CEP112: variants seen among roughly 807,000 people sequenced by gnomAD.
CEP112 encodes centrosomal protein 112.
A neutral mutation model predicts 153.0 loss-of-function variants in CEP112; 127 were observed. The observed-to-expected ratio is 0.83, with a 90% CI of 0.72 to 0.96. The LOEUF (loss-of-function observed/expected upper bound fraction) is 0.96, where lower values mean the gene tolerates loss of function less well. CEP112 is among the 40% of genes least tolerant of loss of function. The pLI is 0.00. For synonymous variants in CEP112, 358 were observed against 374.4 expected (o/e 0.96, Z 0.51); for missense variants, 1,089 against 1,101.2 (o/e 0.99, Z 0.16).
intron 16 of CEP112, among the ~76,000 whole-genome samples, chr17:66,012,318 T>G (rs1596321): frequency 0.41 from 62,506 of 152,104 alleles, 14,313 homozygotes; most frequent in East Asian, 0.87. Context: ...GTTGCTTTAT[T>G]GTGTCATTGG....
chr17:65,921,732 C>T (rs1283031703), intron 19 of CEP112, among the ~76,000 whole-genome samples: 1 of 152,034 alleles, frequency 6.6e-6, no homozygotes, highest in Non-Finnish European at 1.5e-5. Context: ...TGGTGTATGG[C>T]TTCCATTAAT....
chr17:65,808,149 G>A (rs2055723700), intron 21 of CEP112, among the ~76,000 whole-genome samples: 1 of 152,238 alleles, frequency 6.6e-6, no homozygotes, highest in African/African-American at 2.4e-5. Context: ...TTATTTTGGA[G>A]CTTTAAGATT....
chr17:66,116,467 T>G (rs2069299045), intron 6 of CEP112, among the ~76,000 whole-genome samples: 1 of 152,216 alleles, frequency 6.6e-6, no homozygotes, highest in African/African-American at 2.4e-5. Context: ...GGATCTTTGA[T>G]CCTCAATATC....
chr17:65,744,492 G>A (rs1350324525), intron 22 of CEP112, among the ~76,000 whole-genome samples: 10 of 151,672 alleles, frequency 6.6e-5, no homozygotes, highest in South Asian at 6.3e-4. Context: ...TGATCTGCCC[G>A]CCTTGGCCTC....
At chr17:65,725,853 T>TC (rs1206234546) in intron 23 of CEP112, among the ~76,000 whole-genome samples, 2 of 151,928 alleles carry the variant, frequency 1.3e-5, no homozygotes, top group African/African-American at 2.4e-5. Context: ...TCCCACTAGG[T>TC]CCCTCCCACT....
chr17:66,146,897 T>G (rs1004255006), intron 4 of CEP112, among the ~76,000 whole-genome samples: 1 of 152,162 alleles, frequency 6.6e-6, no homozygotes, highest in Non-Finnish European at 1.5e-5. Context: ...ATTTTGCTAA[T>G]CTATTCATCT....
intron 19 of CEP112, among the ~76,000 whole-genome samples, chr17:65,914,923 T>G (rs2060419594): frequency 1.3e-5 from 2 of 152,186 alleles, no homozygotes; most frequent in Non-Finnish European, 1.5e-5. Context: ...AAACCAGTCT[T>G]GTTGAGGTGG....
intron 6 of CEP112, among the ~76,000 whole-genome samples, chr17:66,115,762 T>C (rs2069261013): frequency 6.6e-6 from 1 of 152,242 alleles, no homozygotes; most frequent in Non-Finnish European, 1.5e-5. Context: ...AATCTGAGAT[T>C]GATCTCCCAT....
intron 9 of CEP112, 49 bp downstream of exon 9, chr17:66,069,866 G>T (rs368679468): frequency 2.5e-5 from 26 of 1,045,972 alleles, no homozygotes; most frequent in Non-Finnish European, 3.6e-5. Flanking sequence ...ATAAAACCTA[G>T]AATATTTTTA....
chr17:65,939,830 A>G (rs1599085873), intron 18 of CEP112, among the ~76,000 whole-genome samples: 1 of 152,228 alleles, frequency 6.6e-6, no homozygotes, highest in Non-Finnish European at 1.5e-5. Context: ...CAGTCTTAGC[A>G]AAGATTTCTT....
At chr17:65,692,297 C>T (rs1447463082) in intron 23 of CEP112, among the ~76,000 whole-genome samples, 4 of 147,708 alleles carry the variant, frequency 2.7e-5, no homozygotes, top group Non-Finnish European at 3.0e-5. Context: ...GGCACAATCT[C>T]GACTCATTGC....
intron 17 of CEP112, among the ~76,000 whole-genome samples, chr17:66,002,955 G>T (rs1355534204): frequency 6.7e-6 from 1 of 150,028 alleles, no homozygotes; most frequent in African/African-American, 2.5e-5. Flanking sequence ...CAGCAAAATG[G>T]AACTGTCTCT....
At chr17:66,009,351 T>C (rs955275771) in intron 16 of CEP112, among the ~76,000 whole-genome samples, 6 of 152,184 alleles carry the variant, frequency 3.9e-5, no homozygotes, top group African/African-American at 1.2e-4. Context: ...ATATCTTCTT[T>C]GGAAAAGTGT....
intron 2 of CEP112, among the ~76,000 whole-genome samples, chr17:66,178,872 C>T (rs2072599795): frequency 6.6e-6 from 1 of 152,196 alleles, no homozygotes; most frequent in South Asian, 2.1e-4. Context: ...AATGAAATAT[C>T]AGGATTACTT....
chr17:66,132,517 C>T (rs147468611), intron 5 of CEP112, among the ~76,000 whole-genome samples, 153 bp downstream of exon 5: 125 of 152,294 alleles, frequency 8.2e-4, no homozygotes, highest in Non-Finnish European at 1.4e-3. Context: ...ACCAAACACC[C>T]CACCTTCTTT....
intron 6 of CEP112, among the ~76,000 whole-genome samples, chr17:66,105,470 T>C (rs759256026): frequency 1.3e-5 from 2 of 151,952 alleles, no homozygotes; most frequent in Non-Finnish European, 2.9e-5. Flanking sequence ...AACTAAACTC[T>C]CCAATCAAAA....
intron 11 of CEP112, among the ~76,000 whole-genome samples, chr17:66,061,569 T>TACAC (rs35156012): frequency 0.064 from 9,307 of 146,112 alleles, 359 homozygotes; most frequent in African/African-American, 0.11. Context: ...ATGTGATAGA[T>TACAC]ACACACACAC....
At chr17:66,001,012 A>C (rs968840100) in intron 17 of CEP112, among the ~76,000 whole-genome samples, 8 of 152,190 alleles carry the variant, frequency 5.3e-5, no homozygotes, top group Non-Finnish European at 1.0e-4. Context: ...TGTCCTTCCC[A>C]CATAAGGCAT....
chr17:66,187,685 T>C (rs2072990922), intron 1 of CEP112, among the ~76,000 whole-genome samples: 2 of 152,224 alleles, frequency 1.3e-5, no homozygotes, highest in African/African-American at 4.8e-5. Context: ...GCATAGTGAT[T>C]GTATTCAGTA....
Sources: allele counts gnomAD v4.1 joint callset (sites outside exome capture counted in the v4.1 genomes callset), GRCh38; gene constraint gnomAD v4.1.1; transcripts MANE v1.5; gene names NCBI Gene and HGNC (gene_info 2026-07-23, HGNC 2026-07-21).